The following EXOC7 variants were observed in gnomAD, a reference collection of about 807,000 sequenced individuals.
The protein encoded by EXOC7 is exocyst complex component Exo70.
In EXOC7, 51 loss-of-function variants were observed where a neutral mutation model predicts 87.6. That is an observed-to-expected ratio of 0.58 (90% CI 0.46 to 0.73). EXOC7 has a LOEUF of 0.73. Ranked by LOEUF, EXOC7 falls within the 30% of genes least tolerant of loss-of-function variation. EXOC7 has a pLI of 0.00. For synonymous variants in EXOC7, 327 were observed against 357.1 expected (o/e 0.92, Z 0.95); for missense variants, 744 against 888.4 (o/e 0.84, Z 2.07).
chr17:76,092,519 A>G (rs1033494780), intron 6 of EXOC7: 3 of 152,136 alleles, frequency 2.0e-5, no homozygotes, highest in African/African-American at 7.2e-5. Flanking sequence ...GCTGGTCTCG[A>G]ACTCCTGACC....
chr17:76,089,033 T>C, intron 8 of EXOC7, 110 bp from the exon 9 acceptor site: 1 of 1,464,976 alleles, frequency 6.8e-7, no homozygotes, highest in African/African-American at 1.4e-5. Context: ...GGAAGAGGGG[T>C]GACGGGGAGG....
chr17:76,096,552 A>G (rs1407009467), intron 5 of EXOC7, among the ~76,000 whole-genome samples: 3 of 147,192 alleles, frequency 2.0e-5, no homozygotes, highest in Non-Finnish European at 3.0e-5. Flanking sequence ...CTGAATATCT[A>G]TTGGAGTTTT....
chr17:76,085,440 G>A, intron 14 of EXOC7, 31 bp from the exon 15 acceptor site: 4 of 1,587,122 alleles, frequency 2.5e-6, no homozygotes, highest in Non-Finnish European at 2.6e-6. Flanking sequence ...GAGGAGAGGA[G>A]GACAGGATTG....
At position 76,088,514 on chromosome 17, in the gene EXOC7, T is replaced by A. The variant is rs756296762; in HGVS notation, c.1249A>T (p.Met417Leu). Residue 417 changes from methionine to leucine, a missense_variant, in exon 10 of 19, where the codon ATG (methionine) becomes TTG (leucine). Physicochemically the swap from Met to Leu is conservative, Grantham distance 15. Coordinates refer to ENST00000589210, the MANE Select transcript of EXOC7 (RefSeq NM_001013839.4). Reference sequence around the variant, plus strand: ...AGCGCTTTGGCACCGATGGTCTCCATGGATGTGATGAGGCCAGGCAGCTTG... The same window carrying A: ...AGCGCTTTGGCACCGATGGTCTCCAAGGATGTGATGAGGCCAGGCAGCTTG... ...KNKLPGLITS[M>L]ETIGAKALED... 1.9e-6 allele frequency: 3 copies of A among 1,614,060 alleles called. 1 individual carries two copies. In the South Asian group the frequency reaches 3.3e-5, roughly 18 times the overall value.
chr17:76,081,411 A>G lies in EXOC7; in HGVS notation c.*2237T>C, dbSNP rs1056381794. 22 of 1,613,886 alleles carry G rather than the reference A, an allele frequency of 1.4e-5. No homozygotes were observed. The highest frequency in any genetic ancestry group is 1.9e-5 in the Non-Finnish European group (22 of 1,180,014). ...CCTGCTTCCAGGTGACGGTGAGTCA[A>G]GTCGGGAGGAGGCCGACAGAGGGCT... is the stretch of plus-strand genomic sequence containing the variant. On this transcript the variant is annotated 3_prime_UTR_variant, in exon 19 of 19. Coordinates refer to ENST00000589210, the MANE Select transcript of EXOC7 (RefSeq NM_001013839.4).
rs2067184772 is a variant in EXOC7, at chr17:76,085,752, T to C, written c.1541A>G (p.Lys514Arg). The C allele has an allele frequency of 6.2e-7, 1 of 1,613,826 alleles. No homozygotes were observed. Among genetic ancestry groups the C allele is most frequent in the Non-Finnish European group, 8.5e-7 (1 of 1,179,946 alleles). The change falls in exon 14 of 19, where the codon AAG (lysine) becomes AGG (arginine). Residue 514 changes from lysine (K) to arginine (R), a missense_variant. Lys to Arg is a conservative substitution (Grantham distance 26). Coordinates refer to ENST00000589210, the MANE Select transcript of EXOC7 (RefSeq NM_001013839.4). ...GCTCAGAGCTGGGTCCTCGTACACC[T>C]TGGACTTGCTCAGCAAGTTCAACTG... ...NLQLNLLSKS[K>R]VYEDPALSAI...
At chr17:76,102,350 G>A (rs1221653857) in intron 2 of EXOC7, among the ~76,000 whole-genome samples, 1 of 152,088 alleles carries the variant, frequency 6.6e-6, no homozygotes, top group East Asian at 1.9e-4. Flanking sequence ...TGAGGCGGGA[G>A]GTTAGCTTGA....
intron 2 of EXOC7, 109 bp from the exon 3 acceptor site, chr17:76,101,972 A>C: frequency 1.2e-6 from 1 of 847,772 alleles, no homozygotes; most frequent in Admixed American, 2.9e-5. Context: ...TAGACAATAA[A>C]CTCCACAAGC....
chr17:76,095,534 A>T lies in EXOC7; in HGVS notation c.641-953T>A, dbSNP rs569542976. On this transcript the variant is annotated intron_variant, in intron 5 of 18. Transcript: ENST00000589210. ...GGTCAAAGAACATGAGCTCTATAGG[A>T]AGCAAAAAGACAACAAATGTCAGTG... is the stretch of plus-strand genomic sequence containing the variant. Among the ~76,000 whole-genome samples, 6 of 152,364 alleles carry T rather than the reference A, an allele frequency of 3.9e-5. No individual in the cohort carries two copies. In the South Asian group the frequency reaches 1.2e-3, roughly 32 times the overall value.
At position 76,091,125 on chromosome 17, in the gene EXOC7, G is replaced by A. The variant is rs2067459294; in HGVS notation, c.901+18C>T. 6.2e-7 allele frequency: 1 copy of A among 1,603,964 alleles called. No individual in the cohort carries two copies. The highest frequency in any genetic ancestry group is 8.5e-7 in the Non-Finnish European group (1 of 1,170,814). On this transcript the variant is annotated intron_variant, in intron 7 of 18. Coordinates refer to ENST00000589210, the MANE Select transcript of EXOC7 (RefSeq NM_001013839.4). ...CAGTGGAGGAGGAAGGGACAGGAGGGGAACACAGGGTGATTACCTTCCAGA... is the reference window on the plus strand; with the variant it reads ...CAGTGGAGGAGGAAGGGACAGGAGGAGAACACAGGGTGATTACCTTCCAGA...
In EXOC7 at chr17:76,081,337, T is replaced by C. The variant is rs1467902584; in HGVS notation, c.*2311A>G. Reference sequence around the variant, plus strand: ...CGAGATTGTGAGTGTCAAGAGGGAATACGTAGTTTATGATCTGAAGACCCA... The same window carrying C: ...CGAGATTGTGAGTGTCAAGAGGGAACACGTAGTTTATGATCTGAAGACCCA... On this transcript the variant is annotated 3_prime_UTR_variant, in exon 19 of 19. Coordinates refer to ENST00000589210, the MANE Select transcript of EXOC7 (RefSeq NM_001013839.4). 6.2e-7 allele frequency: 1 copy of C among 1,614,160 alleles called. No individual in the cohort carries two copies. Among genetic ancestry groups the C allele is most frequent in the Non-Finnish European group, 8.5e-7 (1 of 1,180,026 alleles).
chr17:76,090,203 G>A, intron 7 of EXOC7: 4 of 1,055,056 alleles, frequency 3.8e-6, no homozygotes, highest in Middle Eastern at 2.6e-4. Flanking sequence ...TGGAGAGAGA[G>A]GCGCATAGGC....
At position 76,088,766 on chromosome 17, in the gene EXOC7, C is replaced by G; in HGVS notation, c.1200+5G>C. 6.2e-7 allele frequency: 1 copy of G among 1,613,416 alleles called. No individual in the cohort carries two copies. The highest frequency in any genetic ancestry group is 1.1e-5 in the South Asian group (1 of 91,052). On this transcript the variant is annotated splice_donor_5th_base_variant and intron_variant, in intron 9 of 18. Transcript: ENST00000589210. ...TGTGTTTTTGAGGGCCCCTCGCCCACATACCTGGAGCACCTGGTCAAACTC... is the reference window on the plus strand; with the variant it reads ...TGTGTTTTTGAGGGCCCCTCGCCCAGATACCTGGAGCACCTGGTCAAACTC...
At chr17:76,096,170 GA>G (rs1441189944) in intron 5 of EXOC7, among the ~76,000 whole-genome samples, 1 of 152,180 alleles carries the variant, frequency 6.6e-6, no homozygotes, top group Non-Finnish European at 1.5e-5. Context: ...AGCCCGCGCT[GA>G]CAACTTGGTA....
intron 9 of EXOC7, 51 bp downstream of exon 9, chr17:76,088,720 G>C: frequency 1.2e-6 from 2 of 1,609,510 alleles, no homozygotes; most frequent in Non-Finnish European, 1.7e-6. Context: ...GGCCACACCC[G>C]GCAGCACGAT....
At chr17:76,086,429 C>T (rs2067215356) in intron 12 of EXOC7, among the ~76,000 whole-genome samples, 1 of 152,182 alleles carries the variant, frequency 6.6e-6, no homozygotes, top group South Asian at 2.1e-4. Flanking sequence ...TCCCCTCCTG[C>T]CCCCACCCAC....
chr17:76,092,325 C>T (rs2067531576), intron 6 of EXOC7: 1 of 138,138 alleles, frequency 7.2e-6, no homozygotes. Context: ...GAGACAGTCT[C>T]ACTCTGTCGC....
intron 4 of EXOC7, among the ~76,000 whole-genome samples, chr17:76,098,772 A>G (rs1022898910): frequency 4.0e-5 from 6 of 151,248 alleles, no homozygotes; most frequent in African/African-American, 1.5e-4. Flanking sequence ...AGGCTGAGGC[A>G]GGAGAAAGGT....
intron 18 of EXOC7, 109 bp downstream of exon 18, chr17:76,083,897 T>C (rs948578842): frequency 6.7e-7 from 1 of 1,487,558 alleles, no homozygotes; most frequent in Non-Finnish European, 9.0e-7. Context: ...TCGCTGGATC[T>C]GCTGCCTAAA....
Sources: gnomAD v4.1 joint callset for allele counts (sites outside exome capture counted in the v4.1 genomes callset) on GRCh38, gnomAD v4.1.1 for gene constraint, MANE v1.5 for transcripts, NCBI Gene and HGNC (gene_info 2026-07-23, HGNC 2026-07-21) for gene names.